The following TTLL5 variants were observed in gnomAD, a reference collection of about 807,000 sequenced individuals.
The protein encoded by TTLL5 is tubulin tyrosine ligase like 5.
Under a neutral mutation model 168.4 loss-of-function variants are expected in TTLL5, and 132 were observed. The observed-to-expected ratio is 0.78, with a 90% CI of 0.68 to 0.91. TTLL5 has a LOEUF of 0.91. TTLL5 is among the 40% of genes least tolerant of loss of function. The pLI is 0.00. For synonymous variants in TTLL5, 546 were observed against 558.6 expected (o/e 0.98, Z 0.32); for missense variants, 1,545 against 1,581.5 (o/e 0.98, Z 0.39).
At chr14:75,894,799 A>C (rs906791945) in intron 30 of TTLL5, among the ~76,000 whole-genome samples, 5 of 152,222 alleles carry the variant, frequency 3.3e-5, no homozygotes, top group Admixed American at 6.5e-5. Flanking sequence ...ATGAAATACT[A>C]ATCAGAAGGA....
chr14:75,727,120 C>T (rs897130531), intron 12 of TTLL5, among the ~76,000 whole-genome samples: 5 of 152,162 alleles, frequency 3.3e-5, no homozygotes, highest in Admixed American at 1.3e-4. Context: ...AGGGAAATGA[C>T]TAAGGTGGTA....
chr14:75,776,756 C>T lies in TTLL5; in HGVS notation c.2293C>T (p.Gln765Ter). 3 of 1,613,412 alleles carry T rather than the reference C, an allele frequency of 1.9e-6. No individual in the cohort carries two copies. Among genetic ancestry groups the T allele is most frequent in the Non-Finnish European group, 2.5e-6 (3 of 1,179,654 alleles). ...FIIVYNKETE[Q>*]MAEKKSKKKV... ...TTTGGGCACTGGGTAGGAAACAGAA[C>T]AAATGGCTGAAAAGAAATCAAAGAA... is the stretch of plus-strand genomic sequence containing the variant. Residue 765 changes from glutamine (Q) to a stop codon, truncating the protein, a stop_gained, in exon 23 of 32, where the codon CAA becomes TAA. Coordinates refer to ENST00000298832, the MANE Select transcript of TTLL5 (RefSeq NM_015072.5). LOFTEE classifies it high-confidence loss of function.
chr14:75,664,053 C>T (rs901034886), intron 2 of TTLL5, among the ~76,000 whole-genome samples: 2 of 149,876 alleles, frequency 1.3e-5, no homozygotes, highest in African/African-American at 4.9e-5. Context: ...CATTGCACTC[C>T]AGCCCGGGCA....
At chr14:75,899,860 C>T (rs1055798396) in intron 30 of TTLL5, among the ~76,000 whole-genome samples, 1 of 151,918 alleles carries the variant, frequency 6.6e-6, no homozygotes, top group Non-Finnish European at 1.5e-5. Flanking sequence ...CCCAGGGACT[C>T]TTCTCATCCC....
intron 29 of TTLL5, among the ~76,000 whole-genome samples, chr14:75,870,318 G>A (rs1424463113): frequency 6.7e-6 from 1 of 150,114 alleles, no homozygotes; most frequent in Non-Finnish European, 1.5e-5. Flanking sequence ...TATTGCCCAG[G>A]CAGGTCTTGA....
At chr14:75,891,586 C>G (rs569658591) in intron 30 of TTLL5, among the ~76,000 whole-genome samples, 1 of 152,202 alleles carries the variant, frequency 6.6e-6, no homozygotes, top group South Asian at 2.1e-4. Context: ...AGCTTATATT[C>G]GTAAGTTCTC....
chr14:75,818,547 GCA>G, intron 27 of TTLL5: 1 of 347,558 alleles, frequency 2.9e-6, no homozygotes, highest in Non-Finnish European at 5.5e-6. Flanking sequence ...GAGTGCAGTG[GCA>G]TGATCTCTTC....
chr14:75,773,953 G>GAGAA (rs1271613012), intron 21 of TTLL5, among the ~76,000 whole-genome samples: 3 of 37,626 alleles, frequency 8.0e-5, no homozygotes, highest in African/African-American at 2.3e-4. Flanking sequence ...GAGAGAGAGA[G>GAGAA]AGAAAGAGAG....
intron 6 of TTLL5, among the ~76,000 whole-genome samples, chr14:75,693,626 G>A (rs529047996): frequency 3.2e-4 from 49 of 152,210 alleles, no homozygotes; most frequent in Non-Finnish European, 6.5e-4. Context: ...CCTGAAGACC[G>A]TGACTAAGGA....
At chr14:75,716,362 G>A (rs1334154022) in intron 9 of TTLL5, among the ~76,000 whole-genome samples, 6 of 151,980 alleles carry the variant, frequency 3.9e-5, no homozygotes, top group African/African-American at 1.4e-4. Context: ...CCTCATGTTT[G>A]TTTATTTTAG....
chr14:75,733,205 C>CA (rs752994997), intron 13 of TTLL5, among the ~76,000 whole-genome samples: 1 of 152,188 alleles, frequency 6.6e-6, no homozygotes, highest in Non-Finnish European at 1.5e-5. Context: ...AGATGTTATG[C>CA]AACTTTCGTC....
Position 75,719,758 on chromosome 14 carries a change from A to G in TTLL5, c.866A>G (p.Asp289Gly), listed in dbSNP as rs1159830600. 1 of 1,612,294 alleles carries G rather than the reference A, an allele frequency of 6.2e-7. No individual in the cohort carries two copies. Among genetic ancestry groups the G allele is most frequent in the Non-Finnish European group, 8.5e-7 (1 of 1,179,434 alleles). ...AGTTGTGACGATCCAGAAGTGGAGG[A>G]TTATGGAAACAAATGGAGCATGAGT... is the stretch of plus-strand genomic sequence containing the variant. ...YVSCDDPEVE[D>G]YGNKWSMSAM... Residue 289 changes from aspartate (D) to glycine (G), a missense_variant, in exon 11 of 32, where the codon GAT (aspartate) becomes GGT (glycine). Physicochemically the swap from Asp to Gly is moderately conservative, Grantham distance 94. Coordinates refer to ENST00000298832, the MANE Select transcript of TTLL5 (RefSeq NM_015072.5).
At chr14:75,794,531 A>T (rs538663976) in intron 27 of TTLL5, among the ~76,000 whole-genome samples, 37 of 152,078 alleles carry the variant, frequency 2.4e-4, no homozygotes, top group Non-Finnish European at 4.6e-4. Context: ...TGCAAAGCCT[A>T]CAAAGTGAAA....
At chr14:75,821,804 G>A (rs1595099057) in intron 28 of TTLL5, among the ~76,000 whole-genome samples, 1 of 152,118 alleles carries the variant, frequency 6.6e-6, no homozygotes, top group South Asian at 2.1e-4. Flanking sequence ...TGCATTACAC[G>A]ATTTACTTCT....
rs563976589 is a variant in TTLL5, at chr14:75,714,481, CTT to C, written c.741-3377_741-3376del. The stretch of plus-strand genomic sequence containing the variant: ...TGATGATTTTTTAATTCCATCATAA[CTT>C]TTATTTCTTGGCATTTTTCTGTGAG... On this transcript the variant is annotated intron_variant, in intron 9 of 31. Transcript: ENST00000298832. Among the ~76,000 whole-genome samples, 183 of 152,084 alleles carry C rather than the reference CTT, an allele frequency of 1.2e-3. 1 individual carries two copies. The highest frequency in any genetic ancestry group is 4.3e-3 in the African/African-American group (177 of 41,498).
chr14:75,813,617 A>G (rs948513553), intron 27 of TTLL5, among the ~76,000 whole-genome samples: 1 of 152,044 alleles, frequency 6.6e-6, no homozygotes, highest in Non-Finnish European at 1.5e-5. Flanking sequence ...CTGTTTTTGA[A>G]TTTAGCCGTC....
At chr14:75,935,515 A>C (rs917429416) in intron 31 of TTLL5, among the ~76,000 whole-genome samples, 1 of 152,246 alleles carries the variant, frequency 6.6e-6, no homozygotes, top group Admixed American at 6.5e-5. Flanking sequence ...CCATACAACA[A>C]GTTGTGAAAC....
intron 31 of TTLL5, among the ~76,000 whole-genome samples, chr14:75,938,011 T>A (rs943481653): frequency 8.5e-5 from 13 of 152,264 alleles, no homozygotes; most frequent in Non-Finnish European, 1.6e-4. Context: ...ACATTCTCAC[T>A]AACACTTGTT....
intron 27 of TTLL5, among the ~76,000 whole-genome samples, chr14:75,808,532 A>C (rs548680335): frequency 6.6e-6 from 1 of 152,282 alleles, no homozygotes; most frequent in South Asian, 2.1e-4. Flanking sequence ...TTTCTGATTG[A>C]ATATATTCTC....
Sources: gnomAD v4.1 joint callset for allele counts (sites outside exome capture counted in the v4.1 genomes callset) on GRCh38, gnomAD v4.1.1 for gene constraint, MANE v1.5 for transcripts, NCBI Gene and HGNC (gene_info 2026-07-23, HGNC 2026-07-21) for gene names.